KCND3: variants seen among roughly 807,000 people sequenced by gnomAD.
KCND3 encodes potassium voltage-gated channel subfamily D member 3.
Under a neutral mutation model 51.1 loss-of-function variants are expected in KCND3, and 9 were observed. The ratio of observed to expected loss-of-function variants is 0.18; its 90% CI spans 0.11 to 0.31. KCND3 has a LOEUF of 0.31. Ranked by LOEUF, KCND3 falls within the 10% of genes least tolerant of loss-of-function variation. The pLI is 1.00. For missense variants in KCND3, 526 were observed against 903.8 expected (o/e 0.58, Z 5.36); for synonymous variants, 349 against 368.0 (o/e 0.95, Z 0.59).
Position 111,981,731 on chromosome 1 carries a change from G to A in KCND3, c.996C>T (p.Ile332=). 3 of 1,614,192 alleles carry A rather than the reference G, an allele frequency of 1.9e-6. No homozygotes were observed. Among genetic ancestry groups the A allele is most frequent in the South Asian group, 1.1e-5 (1 of 91,086 alleles). ...AAAACATCACAGTGGCAAAGATGAT[G>A]ATGGCCATGGTGAGGGAGAAGAGAA... is the stretch of plus-strand genomic sequence containing the variant. ...GFLLFSLTMA[I]IIFATVMFYA... is the part of the protein sequence containing the mutation. Residue 332 remains isoleucine (I), a synonymous_variant, in exon 2 of 8, where the codon ATC becomes ATT. Transcript: ENST00000302127. This position sits in a 1 kb window ranked among gnomAD's most constrained non-coding sequence, Gnocchi z 6.2.
chr1:111,820,500 T>C (rs1169464784), intron 2 of KCND3, among the ~76,000 whole-genome samples: 5 of 152,214 alleles, frequency 3.3e-5, no homozygotes, highest in Non-Finnish European at 5.9e-5. Context: ...TACCTTGCAA[T>C]GTAGATATTG....
chr1:111,821,171 G>A (rs1666330084), intron 2 of KCND3, among the ~76,000 whole-genome samples: 1 of 152,190 alleles, frequency 6.6e-6, no homozygotes, highest in Admixed American at 6.5e-5. Context: ...TAGGTGCTCA[G>A]TAAATGCCTG....
chr1:111,925,551 T>C (rs1671660043), intron 2 of KCND3, among the ~76,000 whole-genome samples: 1 of 152,194 alleles, frequency 6.6e-6, no homozygotes, highest in Non-Finnish European at 1.5e-5. Flanking sequence ...AACTGTGTGA[T>C]TTTGGAAAGG....
intron 2 of KCND3, among the ~76,000 whole-genome samples, chr1:111,944,894 C>T (rs149511033): frequency 2.0e-4 from 31 of 152,322 alleles, no homozygotes; most frequent in South Asian, 1.0e-3. Context: ...CTGTCTTCAC[C>T]GCCGCTCAGC....
chr1:111,840,985 C>T (rs567756931), intron 2 of KCND3, among the ~76,000 whole-genome samples: 82 of 152,360 alleles, frequency 5.4e-4, no homozygotes, highest in African/African-American at 1.9e-3. Context: ...GTCTTCATAT[C>T]AATGATTCAT....
At chr1:111,859,000 T>C (rs763363401) in intron 2 of KCND3, among the ~76,000 whole-genome samples, 17 of 152,228 alleles carry the variant, frequency 1.1e-4, no homozygotes, top group Non-Finnish European at 2.1e-4. Context: ...AGCAGCACAA[T>C]AGCTCTCTCA....
chr1:111,922,835 C>T (rs1370013090), intron 2 of KCND3, among the ~76,000 whole-genome samples: 1 of 152,182 alleles, frequency 6.6e-6, no homozygotes, highest in Non-Finnish European at 1.5e-5. Flanking sequence ...GAGAATAAGT[C>T]TCTGTTTTAT....
At chr1:111,811,661 C>T (rs1456160261) in intron 2 of KCND3, among the ~76,000 whole-genome samples, 1 of 152,208 alleles carries the variant, frequency 6.6e-6, no homozygotes, top group South Asian at 2.1e-4. Context: ...CATGGACTCT[C>T]TGCCTCTCCT....
chr1:111,897,349 A>G (rs1296049668), intron 2 of KCND3, among the ~76,000 whole-genome samples: 1 of 152,198 alleles, frequency 6.6e-6, no homozygotes, highest in East Asian at 1.9e-4. Flanking sequence ...CCCCAGAAAA[A>G]TATGGACTCA....
At chr1:111,809,688 C>T (rs1404245680) in intron 2 of KCND3, among the ~76,000 whole-genome samples, 2 of 152,004 alleles carry the variant, frequency 1.3e-5, no homozygotes, top group African/African-American at 2.4e-5. Context: ...CGTGTGTGTG[C>T]ACGCCTGCAA....
intron 2 of KCND3, among the ~76,000 whole-genome samples, chr1:111,966,696 T>C (rs1332971624): frequency 6.6e-6 from 1 of 152,230 alleles, no homozygotes; most frequent in Non-Finnish European, 1.5e-5. Flanking sequence ...ATCTGAGTTA[T>C]ACCTGCCTTC....
chr1:111,916,620 C>A (rs1436216830), intron 2 of KCND3, among the ~76,000 whole-genome samples: 1 of 151,980 alleles, frequency 6.6e-6, no homozygotes, highest in African/African-American at 2.4e-5. Flanking sequence ...ACCAAAAGCT[C>A]TTTTCTAAAA....
chr1:111,831,654 C>T (rs1666837348), intron 2 of KCND3, among the ~76,000 whole-genome samples: 1 of 152,216 alleles, frequency 6.6e-6, no homozygotes, highest in East Asian at 1.9e-4. Context: ...GTCTCACCTA[C>T]TCCAGGAAGT....
chr1:111,807,693 T>C (rs1015815862), intron 2 of KCND3, among the ~76,000 whole-genome samples: 1 of 152,152 alleles, frequency 6.6e-6, no homozygotes, highest in African/African-American at 2.4e-5. Context: ...TAAAATAAGA[T>C]AACATGCTAT....
chr1:111,933,357 A>G (rs1421945784), intron 2 of KCND3, among the ~76,000 whole-genome samples: 12 of 152,222 alleles, frequency 7.9e-5, no homozygotes. Flanking sequence ...CATATGAAGC[A>G]CAGAAACTGC....
In KCND3 at chr1:111,897,551, G is replaced by A. The variant is rs606859; in HGVS notation, c.1106+84070C>T. On this transcript the variant is annotated intron_variant, in intron 2 of 7. Coordinates refer to ENST00000302127, the MANE Select transcript of KCND3 (RefSeq NM_001378969.1). Reference sequence around the variant, plus strand: ...GTGAACGTGCGTGGGGCACAGGAGCGGAGTGTGTCTAGCTGGGTATGTGGG... The same window carrying A: ...GTGAACGTGCGTGGGGCACAGGAGCAGAGTGTGTCTAGCTGGGTATGTGGG... Among the ~76,000 whole-genome samples the A allele has an allele frequency of 3.9e-5, 6 of 152,096 alleles. No individual in the cohort carries two copies. The East Asian group carries it at 5.8e-4, about 15-fold the overall frequency.
intron 2 of KCND3, among the ~76,000 whole-genome samples, chr1:111,881,185 C>G (rs578010652): frequency 9.2e-5 from 14 of 152,376 alleles, no homozygotes; most frequent in East Asian, 1.9e-4. Context: ...ACACTCCTGT[C>G]TCCCGTTCCT....
At chr1:111,798,127 T>G (rs1038339606) in intron 2 of KCND3, among the ~76,000 whole-genome samples, 3 of 152,206 alleles carry the variant, frequency 2.0e-5, no homozygotes, top group African/African-American at 7.2e-5. Flanking sequence ...GGCTCAGGCT[T>G]GGGAAGTGGG....
chr1:111,826,482 G>A (rs1465511767), intron 2 of KCND3, among the ~76,000 whole-genome samples: 1 of 152,142 alleles, frequency 6.6e-6, no homozygotes. Context: ...CATGCCACGT[G>A]CTCTTCCTTT....
Sources: gnomAD v4.1 joint callset for allele counts (sites outside exome capture counted in the v4.1 genomes callset) on GRCh38, gnomAD v4.1.1 for gene constraint, Gnocchi (gnomAD v3.1) non-coding constraint, MANE v1.5 for transcripts, NCBI Gene and HGNC (gene_info 2026-07-23, HGNC 2026-07-21) for gene names.